NEDD9: variants seen among roughly 807,000 people sequenced by gnomAD.
NEDD9 encodes the protein enhancer of filamentation 1.
Under a neutral mutation model 76.6 loss-of-function variants are expected in NEDD9, and 26 were observed. That is an observed-to-expected ratio of 0.34 (90% CI 0.25 to 0.47). The LOEUF is 0.47. Ranked by LOEUF, NEDD9 falls within the 20% of genes least tolerant of loss-of-function variation. NEDD9 has a pLI of 1.00. For synonymous variants in NEDD9, 392 were observed against 414.2 expected (o/e 0.95, Z 0.65); for missense variants, 937 against 1,058.5 (o/e 0.89, Z 1.59).
intron 3 of NEDD9, among the ~76,000 whole-genome samples, chr6:11,291,274 T>G (rs951683820): frequency 7.2e-5 from 10 of 139,726 alleles, no homozygotes; most frequent in Middle Eastern, 3.2e-3. Context: ...GAGGTTTTTT[T>G]TTTTTTTTTT....
chr6:11,268,742 CACAG>C (rs139586908), intron 3 of NEDD9, among the ~76,000 whole-genome samples: 1,591 of 149,156 alleles, frequency 0.011, 20 homozygotes, highest in African/African-American at 0.036. Context: ...CACACACACA[CACAG>C]ACACACACAC....
chr6:11,358,081 C>G (rs748415828), intron 1 of NEDD9, among the ~76,000 whole-genome samples: 3 of 151,986 alleles, frequency 2.0e-5, no homozygotes, highest in Non-Finnish European at 2.9e-5. Context: ...AACCCCGTCT[C>G]TACTAAAATA....
chr6:11,200,857 A>G, intron 2 of NEDD9: 1 of 1,571,120 alleles, frequency 6.4e-7, no homozygotes, highest in Non-Finnish European at 8.6e-7. Context: ...GGGAAACCCC[A>G]GGAGAAAATG....
At chr6:11,275,565 CAT>C (rs1554129530) in intron 3 of NEDD9, among the ~76,000 whole-genome samples, 38 of 150,280 alleles carry the variant, frequency 2.5e-4, no homozygotes, top group African/African-American at 3.4e-4. Context: ...CACACACACA[CAT>C]ATATATATAT....
At chr6:11,296,472 A>G (rs1760886479) in intron 3 of NEDD9, among the ~76,000 whole-genome samples, 1 of 152,204 alleles carries the variant, frequency 6.6e-6, no homozygotes, top group African/African-American at 2.4e-5. Flanking sequence ...GATAAAGAAT[A>G]TGCATTACCT....
chr6:11,374,106 G>A (rs1762931661), intron 1 of NEDD9, among the ~76,000 whole-genome samples: 1 of 150,834 alleles, frequency 6.6e-6, no homozygotes, highest in South Asian at 2.1e-4. Context: ...ACATTCCATT[G>A]GTTCTGTTTG....
rs765312280 is a variant in NEDD9 at position 11,273,505 on chromosome 6, C to T, written c.12+32487G>A. 6.6e-4 allele frequency among the ~76,000 whole-genome samples: 100 copies of T among 152,250 alleles called. 1 individual carries two copies. Among genetic ancestry groups the T allele is most frequent in the Admixed American group, 2.6e-4 (4 of 15,288 alleles). ...AGTGCCACCGATGCTGAGGTGCGAACGGCCGGGGACTGCGCCTATCTGTGT... is the reference window on the plus strand; with the variant it reads ...AGTGCCACCGATGCTGAGGTGCGAATGGCCGGGGACTGCGCCTATCTGTGT... On this transcript the variant is annotated intron_variant, in intron 3 of 3. Transcript: ENST00000397378.
intron 3 of NEDD9, among the ~76,000 whole-genome samples, chr6:11,285,713 T>C (rs1193258221): frequency 1.3e-5 from 2 of 152,168 alleles, no homozygotes; most frequent in African/African-American, 4.8e-5. Context: ...TACACACCTA[T>C]ATGGACAACT....
intron 1 of NEDD9, among the ~76,000 whole-genome samples, chr6:11,229,096 C>T (rs970430302): frequency 2.0e-5 from 3 of 152,216 alleles, no homozygotes; most frequent in Admixed American, 2.0e-4. Context: ...CTTTCCAAAG[C>T]GTTTCACGGC....
intron 1 of NEDD9, among the ~76,000 whole-genome samples, chr6:11,231,599 A>G (rs907101802): frequency 6.6e-6 from 1 of 152,214 alleles, no homozygotes; most frequent in Non-Finnish European, 1.5e-5. Context: ...TAGCACTAGC[A>G]CTCATGTCTA....
intron 3 of NEDD9, among the ~76,000 whole-genome samples, chr6:11,279,474 G>A (rs923909644): frequency 2.6e-5 from 4 of 152,246 alleles, no homozygotes; most frequent in Admixed American, 1.3e-4. Context: ...CGAAGGCTTC[G>A]TGTGTCTCAG....
At chr6:11,316,417 G>A (rs1384148878) in intron 2 of NEDD9, among the ~76,000 whole-genome samples, 1 of 152,150 alleles carries the variant, frequency 6.6e-6, no homozygotes, top group Non-Finnish European at 1.5e-5. Flanking sequence ...CGTCTCATGG[G>A]TAATGGGGTC....
chr6:11,211,944 A>G (rs1581959505), intron 2 of NEDD9, among the ~76,000 whole-genome samples: 1 of 128,414 alleles, frequency 7.8e-6, no homozygotes, highest in Admixed American at 7.8e-5. Context: ...CTCCCCAGCC[A>G]AACACTAAGG....
At chr6:11,264,054 G>T (rs1760160504) in intron 3 of NEDD9, among the ~76,000 whole-genome samples, 1 of 152,178 alleles carries the variant, frequency 6.6e-6, no homozygotes, top group African/African-American at 2.4e-5. Flanking sequence ...CCTCCTTCAT[G>T]GAAGAAGGGA....
At chr6:11,235,754 C>T (rs901089492), upstream of NEDD9, among the ~76,000 whole-genome samples, 2 of 152,134 alleles carry the variant, frequency 1.3e-5, no homozygotes, top group African/African-American at 4.8e-5. This position sits in a 1 kb window ranked among gnomAD's most constrained non-coding sequence, Gnocchi z 4.1. Flanking sequence ...AGGGGAAGGG[C>T]CCGCAGTAGG....
chr6:11,321,910 G>A (rs1179694570), intron 2 of NEDD9, among the ~76,000 whole-genome samples: 4 of 152,298 alleles, frequency 2.6e-5, no homozygotes, highest in Middle Eastern at 3.4e-3. Context: ...TGAAGCTGAT[G>A]CAAGTGCTTT....
chr6:11,373,971 A>C (rs190058971), intron 1 of NEDD9, among the ~76,000 whole-genome samples: 37 of 152,256 alleles, frequency 2.4e-4, no homozygotes, highest in Non-Finnish European at 4.9e-4. Flanking sequence ...CCTGATCTCC[A>C]GCTTGCCAGC....
rs1408162155 is a variant in NEDD9, at chr6:11,342,770, A to G, written c.-213-8209T>C. Among the ~76,000 whole-genome samples, 4 of 152,218 alleles carry G rather than the reference A, an allele frequency of 2.6e-5. No individual in the cohort carries two copies. In the East Asian group the frequency reaches 7.7e-4, roughly 29 times the overall value. On this transcript the variant is annotated intron_variant, in intron 1 of 3. Transcript: ENST00000397378. Reference sequence around the variant, plus strand: ...AGTAACTGAGTAAACAAATTATAAAACATTCATACAATAGACTCAGTAATA... The same window carrying G: ...AGTAACTGAGTAAACAAATTATAAAGCATTCATACAATAGACTCAGTAATA...
intron 1 of NEDD9, among the ~76,000 whole-genome samples, chr6:11,380,407 G>A (rs1414340985): frequency 6.6e-6 from 1 of 152,248 alleles, no homozygotes; most frequent in South Asian, 2.1e-4. Flanking sequence ...ATTCCGTGTA[G>A]ATTATTCCAC....
Sources: gnomAD v4.1 joint callset for allele counts (sites outside exome capture counted in the v4.1 genomes callset) on GRCh38, gnomAD v4.1.1 for gene constraint, Gnocchi (gnomAD v3.1) non-coding constraint, MANE v1.5 for transcripts, NCBI Gene and HGNC (gene_info 2026-07-23, HGNC 2026-07-21) for gene names.